Variants in GRIK1 observed in about 807,000 individuals in gnomAD.
The protein encoded by GRIK1 is glutamate receptor ionotropic, kainate 1.
In GRIK1, 69 loss-of-function variants were observed where a neutral mutation model predicts 105.7. That is an observed-to-expected ratio of 0.65 (90% CI 0.54 to 0.80). The LOEUF is 0.80. Among genes scored for constraint, GRIK1 ranks in the 30% least tolerant of loss-of-function variants. The pLI is 0.00. For missense variants in GRIK1, 1,109 were observed against 1,167.3 expected (o/e 0.95, Z 0.73); for synonymous variants, 438 against 431.3 (o/e 1.02, Z -0.19).
In GRIK1 at chr21:29,765,352, C is replaced by T. The variant is rs8129697; in HGVS notation, c.119-71289G>A. Among the ~76,000 whole-genome samples the T allele has an allele frequency of 3.7e-3, 565 of 152,162 alleles. 3 individuals are homozygous for T. Among genetic ancestry groups the T allele is most frequent in the African/African-American group, 0.013 (545 of 41,512 alleles). ...ATGCTTTCAAGTAATGAGAAAGGCT[C>T]ATTTCTTCACTTTGCAATTTCCTTC... is the stretch of plus-strand genomic sequence containing the variant. On this transcript the variant is annotated intron_variant, in intron 1 of 17. Coordinates refer to ENST00000327783, the MANE Select transcript of GRIK1 (RefSeq NM_001330994.2).
At chr21:29,905,510 A>G (rs942320910) in intron 1 of GRIK1, among the ~76,000 whole-genome samples, 9 of 151,040 alleles carry the variant, frequency 6.0e-5, no homozygotes, top group Non-Finnish European at 1.5e-5. Flanking sequence ...CAGCAGTGCA[A>G]TCTTGGCTCT....
chr21:29,830,488 A>C (rs559733559), intron 1 of GRIK1, among the ~76,000 whole-genome samples: 1 of 152,218 alleles, frequency 6.6e-6, no homozygotes, highest in East Asian at 1.9e-4. Flanking sequence ...TATTCAAATA[A>C]CTGTTCATTG....
At chr21:29,620,539 C>A (rs2061961012) in intron 7 of GRIK1, among the ~76,000 whole-genome samples, 1 of 151,928 alleles carries the variant, frequency 6.6e-6, no homozygotes, top group South Asian at 2.1e-4. Context: ...AGACTTGCTT[C>A]CAGAGAGATC....
intron 1 of GRIK1, among the ~76,000 whole-genome samples, chr21:29,705,176 A>G (rs1025623923): frequency 6.6e-6 from 1 of 152,204 alleles, no homozygotes; most frequent in African/African-American, 2.4e-5. Context: ...TGAGAAGAAG[A>G]TATTGCTGTT....
intron 1 of GRIK1, among the ~76,000 whole-genome samples, chr21:29,785,336 G>A (rs930831428): frequency 6.6e-6 from 1 of 152,124 alleles, no homozygotes; most frequent in Non-Finnish European, 1.5e-5. Context: ...GCTGAGGCGG[G>A]TGGTTCACCT....
chr21:29,924,797 C>T (rs1286597562), intron 1 of GRIK1, among the ~76,000 whole-genome samples: 2 of 152,038 alleles, frequency 1.3e-5, no homozygotes, highest in African/African-American at 4.8e-5. Context: ...TAACAAGGTA[C>T]CTTATTTGGG....
At chr21:29,790,198 C>T (rs11910343) in intron 1 of GRIK1, among the ~76,000 whole-genome samples, 2,431 of 152,166 alleles carry the variant, frequency 0.016, 63 homozygotes, top group African/African-American at 0.055. Context: ...TACAGGCATG[C>T]GCCACCACTC....
At chr21:29,865,260 T>C (rs1352488904) in intron 1 of GRIK1, among the ~76,000 whole-genome samples, 2 of 152,186 alleles carry the variant, frequency 1.3e-5, no homozygotes, top group Non-Finnish European at 2.9e-5. Flanking sequence ...TGTACTATAA[T>C]TTATTTCAGA....
rs2146558444 is a variant in GRIK1 at position 29,651,190 on chromosome 21, A to G, written c.882T>C (p.Ile294=). ...NIDNPHVSSI[I]EKWSMERLQA... ...GCAGTCTCTCCATGGACCACTTCTC[A>G]ATGATGGATGACACGTGAGGGTTGT... The change falls in exon 6 of 18, where the codon ATT becomes ATC. Residue 294 remains isoleucine, a synonymous_variant. Transcript: ENST00000327783. 2.5e-6 allele frequency: 4 copies of G among 1,613,478 alleles called. No individual in the cohort carries two copies. Among genetic ancestry groups the G allele is most frequent in the Non-Finnish European group, 3.4e-6 (4 of 1,179,408 alleles).
At chr21:29,848,861 T>G (rs1302902616) in intron 1 of GRIK1, among the ~76,000 whole-genome samples, 1 of 150,346 alleles carries the variant, frequency 6.7e-6, no homozygotes, top group Non-Finnish European at 1.5e-5. Flanking sequence ...GATGACTTGA[T>G]TCTTCTTAAA....
chr21:29,745,623 T>C (rs1378851542), intron 1 of GRIK1, among the ~76,000 whole-genome samples: 1 of 152,236 alleles, frequency 6.6e-6, no homozygotes, highest in Admixed American at 6.5e-5. Flanking sequence ...CCTGGTTACT[T>C]ACCAATTATT....
intron 1 of GRIK1, among the ~76,000 whole-genome samples, chr21:29,695,421 T>C (rs2063675562): frequency 6.6e-6 from 1 of 151,418 alleles, no homozygotes; most frequent in Non-Finnish European, 1.5e-5. Flanking sequence ...GGCTGACATA[T>C]CTATATCTAT....
In GRIK1 at chr21:29,917,306, A is replaced by G. The variant is rs1291258518; in HGVS notation, c.118+22077T>C. Among the ~76,000 whole-genome samples the G allele has an allele frequency of 2.0e-5, 3 of 152,096 alleles. No individual in the cohort carries two copies. In the East Asian group the frequency reaches 5.8e-4, roughly 29 times the overall value. On this transcript the variant is annotated intron_variant, in intron 1 of 17. Coordinates refer to ENST00000327783, the MANE Select transcript of GRIK1 (RefSeq NM_001330994.2). The stretch of plus-strand genomic sequence containing the variant: ...AAGCCCTGTGACTGAAATTGAGAGA[A>G]ATGAATAATTAAGCATGTCTCACTT...
At chr21:29,888,161 T>TCTTTCTTTCTTTCTTTCTTTCTTTCTTTC (rs1555905460) in intron 1 of GRIK1, among the ~76,000 whole-genome samples, 15 of 7,306 alleles carry the variant, frequency 2.1e-3, no homozygotes, top group African/African-American at 4.2e-3. Context: ...CTCCTTTCTT[T>TCTTTCTTTCTTTCTTTCTTTCTTTCTTTC]TTTCTTTCTT....
intron 1 of GRIK1, among the ~76,000 whole-genome samples, chr21:29,841,219 G>A (rs2067973710): frequency 6.6e-6 from 1 of 152,090 alleles, no homozygotes; most frequent in Admixed American, 6.6e-5. Context: ...ACTGTCAATA[G>A]AAAATCAATA....
chr21:29,626,319 A>G (rs1405473811), intron 7 of GRIK1, among the ~76,000 whole-genome samples: 1 of 152,178 alleles, frequency 6.6e-6, no homozygotes, highest in Admixed American at 6.5e-5. Flanking sequence ...GCAGAGTCCC[A>G]TGCTTTAATC....
chr21:29,889,603 C>T (rs1302465553), intron 1 of GRIK1, among the ~76,000 whole-genome samples: 2 of 151,692 alleles, frequency 1.3e-5, no homozygotes, highest in East Asian at 1.9e-4. Flanking sequence ...CCCTATAAAT[C>T]TTTTATTCAT....
intron 1 of GRIK1, among the ~76,000 whole-genome samples, chr21:29,917,861 T>C (rs775042698): frequency 5.9e-5 from 9 of 152,082 alleles, no homozygotes; most frequent in Non-Finnish European, 1.0e-4. Context: ...CTTTTTAACA[T>C]GTCTTCCTTC....
intron 1 of GRIK1, among the ~76,000 whole-genome samples, chr21:29,762,582 G>A (rs932586970): frequency 3.3e-5 from 5 of 152,306 alleles, no homozygotes; most frequent in Middle Eastern, 3.4e-3. Flanking sequence ...AGGGGCTCAT[G>A]CTTGCATTTC....
Sources: allele counts gnomAD v4.1 joint callset (sites outside exome capture counted in the v4.1 genomes callset), GRCh38; gene constraint gnomAD v4.1.1; transcripts MANE v1.5; gene names NCBI Gene and HGNC (gene_info 2026-07-23, HGNC 2026-07-21).